H2BC9: variants seen among roughly 807,000 people sequenced by gnomAD.
The protein encoded by H2BC9 is histone H2B type 1-H.
A neutral mutation model predicts 5.8 loss-of-function variants in H2BC9; 11 were observed. That is an observed-to-expected ratio of 1.89 (90% CI 1.19 to 3.12). H2BC9 has a LOEUF of 3.12. H2BC9 is among the 30% of genes most tolerant of loss of function. The pLI, the probability that H2BC9 is intolerant of heterozygous loss-of-function variation, is 0.00. For missense variants in H2BC9, 219 were observed against 167.8 expected (o/e 1.30, Z -1.68); for synonymous variants, 136 against 72.2 (o/e 1.88, Z -4.48).
chr6:26,251,768 G>C lies in H2BC9; in HGVS notation c.118G>C (p.Val40Leu), dbSNP rs1255072002. Residue 40 changes from valine to leucine, a missense_variant, in exon 1 of 1, where the codon GTA becomes CTA. Physicochemically the swap from Val to Leu is conservative, Grantham distance 32. Coordinates refer to ENST00000619466, the MANE Select transcript of H2BC9 (RefSeq NM_003524.3). ...RKRSRKESYS[V>L]YVYKVLKQVH... ...ACGCAGCCGCAAGGAGAGCTACTCCGTATACGTTTACAAGGTGCTGAAGCA... is the reference window on the plus strand; with the variant it reads ...ACGCAGCCGCAAGGAGAGCTACTCCCTATACGTTTACAAGGTGCTGAAGCA... 13 of 1,614,104 alleles carry C rather than the reference G, an allele frequency of 8.1e-6. No individual in the cohort carries two copies. Among genetic ancestry groups the C allele is most frequent in the African/African-American group, 1.3e-5 (1 of 74,928 alleles).
rs1195365323 is a variant in H2BC9 at position 26,251,714 on chromosome 6, G to T, written c.64G>T (p.Ala22Ser). Residue 22 changes from alanine (A) to serine (S), a missense_variant, in exon 1 of 1, where the codon GCG becomes TCG. Transcript: ENST00000619466. ...KKGSKKAVTK[A>S]QKKDGKKRKR... The stretch of plus-strand genomic sequence containing the variant: ...GGGCTCCAAGAAGGCGGTGACCAAG[G>T]CGCAGAAGAAGGATGGCAAGAAGCG... 3.1e-6 allele frequency: 5 copies of T among 1,614,196 alleles called. No homozygotes were observed. The highest frequency in any genetic ancestry group is 3.4e-6 in the Non-Finnish European group (4 of 1,180,034).
chr6:26,251,891 C>T lies in H2BC9; in HGVS notation c.241C>T (p.Leu81=). ...GCGCATCGCCGGCGAGGCTTCCCGC[C>T]TGGCTCATTACAACAAGCGTTCGAC... ...FERIAGEASR[L]AHYNKRSTIT... is the part of the protein sequence containing the mutation. The change falls in exon 1 of 1, where the codon CTG becomes TTG. Residue 81 remains leucine, a synonymous_variant. Coordinates refer to ENST00000619466, the MANE Select transcript of H2BC9 (RefSeq NM_003524.3). 2 of 1,614,198 alleles carry T rather than the reference C, an allele frequency of 1.2e-6. No individual in the cohort carries two copies. Among genetic ancestry groups the T allele is most frequent in the Non-Finnish European group, 1.7e-6 (2 of 1,180,026 alleles).
In H2BC9 at chr6:26,251,659, T is replaced by TCC; in HGVS notation, c.10_11dup (p.Ala5GlnfsTer16). On this transcript the variant is annotated frameshift_variant, in exon 1 of 1. Transcript: ENST00000619466. LOFTEE classifies it high-confidence loss of function. ...TCCTTTATCTTGTTGCAATGCCTGA[T>TCC]CCAGCTAAGTCCGCTCCCGCCCCGA... The TCC allele has an allele frequency of 6.2e-7, 1 of 1,614,010 alleles. No homozygotes were observed. The highest frequency in any genetic ancestry group is 8.5e-7 in the Non-Finnish European group (1 of 1,180,030).
Position 26,251,775 on chromosome 6 carries a change from T to G in H2BC9, c.125T>G (p.Val42Gly). The G allele has an allele frequency of 1.2e-6, 2 of 1,614,142 alleles. No homozygotes were observed. The highest frequency in any genetic ancestry group is 1.7e-6 in the Non-Finnish European group (2 of 1,180,028). ...CGCAAGGAGAGCTACTCCGTATACG[T>G]TTACAAGGTGCTGAAGCAAGTCCAC... ...RSRKESYSVY[V>G]YKVLKQVHPD... The change falls in exon 1 of 1, where the codon GTT becomes GGT. Residue 42 changes from valine to glycine, a missense_variant. Physicochemically the swap from Val to Gly is moderately radical, Grantham distance 109. Coordinates refer to ENST00000619466, the MANE Select transcript of H2BC9 (RefSeq NM_003524.3).
At position 26,251,728 on chromosome 6, in the gene H2BC9, T is replaced by A; in HGVS notation, c.78T>A (p.Asp26Glu). ...KKAVTKAQKKDGKKRKRSRKE... is the reference protein window; with the variant it reads ...KKAVTKAQKKEGKKRKRSRKE... ...CGGTGACCAAGGCGCAGAAGAAGGA[T>A]GGCAAGAAGCGTAAACGCAGCCGCA... Residue 26 changes from aspartate (D) to glutamate (E), a missense_variant, in exon 1 of 1, where the codon GAT (aspartate) becomes GAA (glutamate). Physicochemically the swap from Asp to Glu is conservative, Grantham distance 45. Coordinates refer to ENST00000619466, the MANE Select transcript of H2BC9 (RefSeq NM_003524.3). The A allele has an allele frequency of 6.2e-7, 1 of 1,614,174 alleles. No individual in the cohort carries two copies. The highest frequency in any genetic ancestry group is 1.1e-5 in the South Asian group (1 of 91,080).
Position 26,251,654 on chromosome 6 carries a change from C to A in H2BC9, c.4C>A (p.Pro2Thr), listed in dbSNP as rs1371256954. The change falls in exon 1 of 1, where the codon CCT becomes ACT. Residue 2 changes from proline (P) to threonine (T), a missense_variant. Pro to Thr is a conservative substitution (Grantham distance 38, BLOSUM62 -1). Coordinates refer to ENST00000619466, the MANE Select transcript of H2BC9 (RefSeq NM_003524.3). ...CTTACTCCTTTATCTTGTTGCAATG[C>A]CTGATCCAGCTAAGTCCGCTCCCGC... M[P>T]DPAKSAPAPK... The A allele has an allele frequency of 6.2e-7, 1 of 1,614,016 alleles. No homozygotes were observed. The highest frequency in any genetic ancestry group is 1.3e-5 in the African/African-American group (1 of 75,012).
chr6:26,251,959 G>T lies in H2BC9; in HGVS notation c.309G>T (p.Leu103=). The stretch of plus-strand genomic sequence containing the variant: ...TCCAGACAGCCGTGCGCCTGCTGCT[G>T]CCTGGGGAACTGGCCAAGCACGCCG... ...REIQTAVRLL[L]PGELAKHAVS... is the part of the protein sequence containing the mutation. Residue 103 remains leucine (L), a synonymous_variant, in exon 1 of 1, where the codon CTG becomes CTT. Coordinates refer to ENST00000619466, the MANE Select transcript of H2BC9 (RefSeq NM_003524.3). 1.2e-6 allele frequency: 2 copies of T among 1,614,242 alleles called. No homozygotes were observed. Among genetic ancestry groups the T allele is most frequent in the Non-Finnish European group, 1.7e-6 (2 of 1,180,052 alleles).
chr6:26,252,058 T>C lies in H2BC9; in HGVS notation c.*27T>C. The stretch of plus-strand genomic sequence containing the variant: ...TGGACGCATGTTCAAACCCAAAGGC[T>C]CTTTTCAGAGCCACTTAATGATTTC... On this transcript the variant is annotated 3_prime_UTR_variant, in exon 1 of 1. Coordinates refer to ENST00000619466, the MANE Select transcript of H2BC9 (RefSeq NM_003524.3). 1 of 1,613,534 alleles carries C rather than the reference T, an allele frequency of 6.2e-7. No homozygotes were observed. Among genetic ancestry groups the C allele is most frequent in the Non-Finnish European group, 8.5e-7 (1 of 1,179,854 alleles).
In H2BC9 at chr6:26,252,016, C is replaced by T. The variant is rs758358761; in HGVS notation, c.366C>T (p.Tyr122=). 3.7e-6 allele frequency: 6 copies of T among 1,614,224 alleles called. No individual in the cohort carries two copies. The highest frequency in any genetic ancestry group is 1.7e-5 in the Admixed American group (1 of 60,016). The change falls in exon 1 of 1, where the codon TAC becomes TAT. Residue 122 remains tyrosine (Y), a synonymous_variant. Transcript: ENST00000619466. Reference sequence around the variant, plus strand: ...AGGGCACTAAGGCCGTCACCAAGTACACCAGCTCCAAATAAATGGACGCAT... The same window carrying T: ...AGGGCACTAAGGCCGTCACCAAGTATACCAGCTCCAAATAAATGGACGCAT... ...VSEGTKAVTK[Y]TSSK is the part of the protein sequence containing the mutation.
rs1760085615 is a variant in H2BC9 at position 26,251,844 on chromosome 6, C to A, written c.194C>A (p.Ser65Tyr). ...ISSKAMGIMN[S>Y]FVNDIFERIA... ...TCCAAAGCCATGGGGATCATGAATT[C>A]CTTTGTCAACGATATCTTCGAGCGC... Residue 65 changes from serine (S) to tyrosine (Y), a missense_variant, in exon 1 of 1, where the codon TCC (serine) becomes TAC (tyrosine). Coordinates refer to ENST00000619466, the MANE Select transcript of H2BC9 (RefSeq NM_003524.3). 6.2e-7 allele frequency: 1 copy of A among 1,614,120 alleles called. No individual in the cohort carries two copies. The highest frequency in any genetic ancestry group is 1.3e-5 in the African/African-American group (1 of 74,936).
rs1474530539 is a variant in H2BC9 at position 26,251,733 on chromosome 6, A to G, written c.83A>G (p.Lys28Arg). 1.2e-6 allele frequency: 2 copies of G among 1,614,120 alleles called. No individual in the cohort carries two copies. Among genetic ancestry groups the G allele is most frequent in the Non-Finnish European group, 1.7e-6 (2 of 1,180,050 alleles). Residue 28 changes from lysine (K) to arginine (R), a missense_variant, in exon 1 of 1, where the codon AAG becomes AGG. Physicochemically the swap from Lys to Arg is conservative, Grantham distance 26. Transcript: ENST00000619466. ...ACCAAGGCGCAGAAGAAGGATGGCA[A>G]GAAGCGTAAACGCAGCCGCAAGGAG... The part of the protein sequence containing the change: ...AVTKAQKKDG[K>R]KRKRSRKESY...
chr6:26,251,629 C>A lies in H2BC9; in HGVS notation c.-22C>A. ...TTGAGCCTTCACTTTGGGGTGTATT[C>A]TTACTCCTTTATCTTGTTGCAATGC... On this transcript the variant is annotated 5_prime_UTR_variant, in exon 1 of 1. Coordinates refer to ENST00000619466, the MANE Select transcript of H2BC9 (RefSeq NM_003524.3). 6.2e-7 allele frequency: 1 copy of A among 1,613,492 alleles called. No individual in the cohort carries two copies. The highest frequency in any genetic ancestry group is 1.1e-5 in the South Asian group (1 of 91,018).
chr6:26,251,845 C>G lies in H2BC9; in HGVS notation c.195C>G (p.Ser65=), dbSNP rs752423430. The change falls in exon 1 of 1, where the codon TCC becomes TCG. Residue 65 remains serine, a synonymous_variant. Transcript: ENST00000619466. ...ISSKAMGIMN[S]FVNDIFERIA... is the part of the protein sequence containing the mutation. ...CCAAAGCCATGGGGATCATGAATTC[C>G]TTTGTCAACGATATCTTCGAGCGCA... 21 of 1,614,088 alleles carry G rather than the reference C, an allele frequency of 1.3e-5. No homozygotes were observed. Among genetic ancestry groups the G allele is most frequent in the Non-Finnish European group, 1.8e-5 (21 of 1,180,044 alleles).
At position 26,251,951 on chromosome 6, in the gene H2BC9, C is replaced by T. The variant is rs771970332; in HGVS notation, c.301C>T (p.Leu101=). The stretch of plus-strand genomic sequence containing the variant: ...CAGGGAGATCCAGACAGCCGTGCGC[C>T]TGCTGCTGCCTGGGGAACTGGCCAA... The part of the protein sequence containing the change: ...TSREIQTAVR[L]LLPGELAKHA... The change falls in exon 1 of 1, where the codon CTG becomes TTG. Residue 101 remains leucine, a synonymous_variant. Coordinates refer to ENST00000619466, the MANE Select transcript of H2BC9 (RefSeq NM_003524.3). 3 of 1,614,240 alleles carry T rather than the reference C, an allele frequency of 1.9e-6. No individual in the cohort carries two copies. The highest frequency in any genetic ancestry group is 2.2e-5 in the East Asian group (1 of 44,882).
rs770677857 is a variant in H2BC9, at chr6:26,251,787, T to G, written c.137T>G (p.Leu46Arg). Residue 46 changes from leucine to arginine, a missense_variant, in exon 1 of 1, where the codon CTG becomes CGG. Physicochemically the swap from Leu to Arg is moderately radical, Grantham distance 102. Coordinates refer to ENST00000619466, the MANE Select transcript of H2BC9 (RefSeq NM_003524.3). ...ESYSVYVYKV[L>R]KQVHPDTGIS... ...TACTCCGTATACGTTTACAAGGTGC[T>G]GAAGCAAGTCCACCCCGACACCGGC... The G allele has an allele frequency of 6.2e-7, 1 of 1,614,244 alleles. No individual in the cohort carries two copies. The highest frequency in any genetic ancestry group is 1.1e-5 in the South Asian group (1 of 91,090).
chr6:26,251,957 C>T lies in H2BC9; in HGVS notation c.307C>T (p.Leu103=), dbSNP rs2113591861. Residue 103 remains leucine, a synonymous_variant, in exon 1 of 1, where the codon CTG becomes TTG. Coordinates refer to ENST00000619466, the MANE Select transcript of H2BC9 (RefSeq NM_003524.3). ...REIQTAVRLL[L]PGELAKHAVS... is the part of the protein sequence containing the mutation. ...GATCCAGACAGCCGTGCGCCTGCTG[C>T]TGCCTGGGGAACTGGCCAAGCACGC... 2 of 1,614,252 alleles carry T rather than the reference C, an allele frequency of 1.2e-6. No homozygotes were observed. The highest frequency in any genetic ancestry group is 1.7e-6 in the Non-Finnish European group (2 of 1,180,042).
In H2BC9 at chr6:26,251,645, G is replaced by C; in HGVS notation, c.-6G>C. The C allele has an allele frequency of 2.5e-6, 4 of 1,614,016 alleles. No individual in the cohort carries two copies. The highest frequency in any genetic ancestry group is 1.1e-5 in the South Asian group (1 of 91,074). On this transcript the variant is annotated 5_prime_UTR_variant, in exon 1 of 1. Transcript: ENST00000619466. ...GGGTGTATTCTTACTCCTTTATCTTGTTGCAATGCCTGATCCAGCTAAGTC... is the reference window on the plus strand; with the variant it reads ...GGGTGTATTCTTACTCCTTTATCTTCTTGCAATGCCTGATCCAGCTAAGTC...
rs1432232511 is a variant in H2BC9 at position 26,251,694 on chromosome 6, C to T, written c.44C>T (p.Ser15Phe). 3.7e-6 allele frequency: 6 copies of T among 1,613,976 alleles called. No homozygotes were observed. The South Asian group carries it at 6.6e-5, about 18-fold the overall frequency. The change falls in exon 1 of 1, where the codon TCC becomes TTC. Residue 15 changes from serine to phenylalanine, a missense_variant. By Grantham distance (155) the Ser-to-Phe change is radical. Transcript: ENST00000619466. ...AKSAPAPKKG[S>F]KKAVTKAQKK... ...TCCGCTCCCGCCCCGAAGAAGGGCTCCAAGAAGGCGGTGACCAAGGCGCAG... is the reference window on the plus strand; with the variant it reads ...TCCGCTCCCGCCCCGAAGAAGGGCTTCAAGAAGGCGGTGACCAAGGCGCAG...
Position 26,251,826 on chromosome 6 carries a change from C to T in H2BC9, c.176C>T (p.Ala59Val). 1 of 1,614,242 alleles carries T rather than the reference C, an allele frequency of 6.2e-7. No homozygotes were observed. Among genetic ancestry groups the T allele is most frequent in the African/African-American group, 1.3e-5 (1 of 75,068 alleles). The change falls in exon 1 of 1, where the codon GCC becomes GTC. Residue 59 changes from alanine to valine, a missense_variant. Physicochemically the swap from Ala to Val is moderately conservative, Grantham distance 64. Transcript: ENST00000619466. Reference protein sequence around the residue: ...VHPDTGISSKAMGIMNSFVND... With the variant: ...VHPDTGISSKVMGIMNSFVND... ...CCCGACACCGGCATCTCCTCCAAAGCCATGGGGATCATGAATTCCTTTGTC... is the reference window on the plus strand; with the variant it reads ...CCCGACACCGGCATCTCCTCCAAAGTCATGGGGATCATGAATTCCTTTGTC...
Sources: gnomAD v4.1 joint callset for allele counts on GRCh38, gnomAD v4.1.1 for gene constraint, MANE v1.5 for transcripts, NCBI Gene and HGNC (gene_info 2026-07-23, HGNC 2026-07-21) for gene names.